The following TAF3 variants were observed in gnomAD, a reference collection of about 807,000 sequenced individuals.
TAF3 encodes the protein transcription initiation factor TFIID subunit 3.
In TAF3, 7 loss-of-function variants were observed where a neutral mutation model predicts 80.6. The observed-to-expected ratio is 0.09, with a 90% CI of 0.05 to 0.16. TAF3 has a LOEUF of 0.16. Among genes scored for constraint, TAF3 ranks in the 10% least tolerant of loss-of-function variants. The pLI is 1.00. For missense variants in TAF3, 921 were observed against 1,140.2 expected, an observed-to-expected ratio of 0.81 and a Z score of 2.77; for synonymous variants, 444 against 446.1, an observed-to-expected ratio of 1.00 and a Z score of 0.06.
intron 2 of TAF3, among the ~76,000 whole-genome samples, chr10:7,895,480 A>T (rs1003741700): frequency 6.6e-6 from 1 of 152,204 alleles, no homozygotes; most frequent in Non-Finnish European, 1.5e-5. Flanking sequence ...AATGCATCAC[A>T]CTTTCTTACT....
intron 4 of TAF3, among the ~76,000 whole-genome samples, chr10:7,982,084 G>A (rs1831731948): frequency 6.6e-6 from 1 of 152,148 alleles, no homozygotes; most frequent in Non-Finnish European, 1.5e-5. Flanking sequence ...ACATTCAACA[G>A]AGTGAAGCTT....
rs182803399 is a variant in TAF3 at position 7,883,691 on chromosome 10, T to C, written c.409+59131T>C. Among the ~76,000 whole-genome samples the C allele has an allele frequency of 1.5e-3, 226 of 152,360 alleles. 1 individual carries two copies. The highest frequency in any genetic ancestry group is 5.2e-3 in the African/African-American group (218 of 41,588). On this transcript the variant is annotated intron_variant, in intron 2 of 6. Transcript: ENST00000344293. ...CTACATTTATCAGTTGGCATTCTAC[T>C]CTATGGAAGATTTTCCCCTCCTTCC...
At chr10:7,897,471 C>T (rs1045374140) in intron 2 of TAF3, among the ~76,000 whole-genome samples, 2 of 152,116 alleles carry the variant, frequency 1.3e-5, no homozygotes, top group Non-Finnish European at 2.9e-5. Flanking sequence ...AGATTCTTCT[C>T]TTTATAGCCA....
In TAF3 at chr10:7,915,244, C is replaced by T. The variant is rs577082131; in HGVS notation, c.410-48676C>T. On this transcript the variant is annotated intron_variant, in intron 2 of 6. Transcript: ENST00000344293. ...CAGGGCATGAGCCACTGCGCCTGGCCGCTCCCCAGCCTTTTATGAAGAACC... is the reference window on the plus strand; with the variant it reads ...CAGGGCATGAGCCACTGCGCCTGGCTGCTCCCCAGCCTTTTATGAAGAACC... 1.3e-4 allele frequency among the ~76,000 whole-genome samples: 19 copies of T among 151,732 alleles called. No homozygotes were observed. In the East Asian group the frequency reaches 2.4e-3, roughly 19 times the overall value.
At chr10:7,920,867 A>G (rs536593152) in intron 2 of TAF3, among the ~76,000 whole-genome samples, 18 of 152,364 alleles carry the variant, frequency 1.2e-4, no homozygotes, top group Admixed American at 3.3e-4. Flanking sequence ...AGTGATTTAT[A>G]CTGTAGCTAA....
intron 2 of TAF3, among the ~76,000 whole-genome samples, chr10:7,954,712 C>G (rs10905259): frequency 0.4 from 51,476 of 128,906 alleles, 15,314 homozygotes; most frequent in Admixed American, 0.57. Flanking sequence ...TAGTGAGATT[C>G]AGAGTGCACT....
chr10:7,874,833 C>T (rs1482311235), intron 2 of TAF3, among the ~76,000 whole-genome samples: 1 of 151,828 alleles, frequency 6.6e-6, no homozygotes, highest in Non-Finnish European at 1.5e-5. Context: ...CTGTATGTAT[C>T]ATGTAACTGT....
At chr10:7,900,137 T>G (rs1837544751) in intron 2 of TAF3, among the ~76,000 whole-genome samples, 2 of 152,206 alleles carry the variant, frequency 1.3e-5, no homozygotes, top group African/African-American at 4.8e-5. Context: ...CTGCTACAAC[T>G]TAGAATAGTT....
chr10:7,905,808 G>A (rs904088259), intron 2 of TAF3, among the ~76,000 whole-genome samples: 5 of 152,004 alleles, frequency 3.3e-5, no homozygotes, highest in African/African-American at 4.8e-5. Context: ...GCTTGAACCC[G>A]GGAGGTGGAG....
At position 8,013,769 on chromosome 10, in the gene TAF3, T is replaced by C. The variant is rs934324379; in HGVS notation, c.2607T>C (p.Pro869=). Residue 869 remains proline, a synonymous_variant, in exon 6 of 7, where the codon CCT becomes CCC. Coordinates refer to ENST00000344293, the MANE Select transcript of TAF3 (RefSeq NM_031923.4). ...GGGGCAATCAGATCTGGATCTGCCC[T>C]GGGTGTAACAAGCCTGACGATGGGA... is the stretch of plus-strand genomic sequence containing the variant. ...DEWGNQIWIC[P]GCNKPDDGSP... is the part of the protein sequence containing the mutation. The C allele has an allele frequency of 6.2e-7, 1 of 1,614,026 alleles. No homozygotes were observed. The highest frequency in any genetic ancestry group is 8.5e-7 in the Non-Finnish European group (1 of 1,180,028).
chr10:7,986,191 G>A (rs1404425671), intron 4 of TAF3, among the ~76,000 whole-genome samples: 2 of 150,684 alleles, frequency 1.3e-5, no homozygotes, highest in Admixed American at 6.6e-5. Flanking sequence ...TTTCTTCTTC[G>A]TAAATGTTCT....
At chr10:7,842,845 G>A (rs1463852769) in intron 2 of TAF3, among the ~76,000 whole-genome samples, 1 of 152,166 alleles carries the variant, frequency 6.6e-6, no homozygotes, top group African/African-American at 2.4e-5. Context: ...GATTTTCCAA[G>A]GGCAGGCCCA....
intron 3 of TAF3, among the ~76,000 whole-genome samples, chr10:7,975,848 T>A (rs1280742902): frequency 6.6e-6 from 1 of 152,256 alleles, no homozygotes; most frequent in Non-Finnish European, 1.5e-5. Context: ...TCAATTATGA[T>A]GTAATTCATG....
chr10:7,892,700 T>G (rs1436013475), intron 2 of TAF3, among the ~76,000 whole-genome samples: 1 of 152,190 alleles, frequency 6.6e-6, no homozygotes, highest in Non-Finnish European at 1.5e-5. Context: ...ACAGTATTTT[T>G]GGTTGGTCAG....
At chr10:7,990,038 G>T (rs201305416) in intron 4 of TAF3, among the ~76,000 whole-genome samples, 1 of 79,610 alleles carries the variant, frequency 1.3e-5, no homozygotes, top group African/African-American at 2.8e-5. Flanking sequence ...AAAATTAACT[G>T]TATCTATTTT....
chr10:7,928,157 C>G (rs1158375853), intron 2 of TAF3, among the ~76,000 whole-genome samples: 1 of 152,156 alleles, frequency 6.6e-6, no homozygotes, highest in Non-Finnish European at 1.5e-5. Flanking sequence ...AGACCTTTGA[C>G]CTTCCGCAAT....
intron 2 of TAF3, among the ~76,000 whole-genome samples, chr10:7,939,207 G>T (rs1837953151): frequency 6.6e-6 from 1 of 152,100 alleles, no homozygotes; most frequent in African/African-American, 2.4e-5. Context: ...TTAGTTTATT[G>T]GCTAAACATT....
At chr10:7,936,805 T>A (rs771607891) in intron 2 of TAF3, among the ~76,000 whole-genome samples, 6 of 152,168 alleles carry the variant, frequency 3.9e-5, no homozygotes, top group Non-Finnish European at 8.8e-5. Flanking sequence ...CTAGTTGTAC[T>A]GCTATCAACA....
chr10:7,857,140 C>CA (rs1343252888), intron 2 of TAF3, among the ~76,000 whole-genome samples: 1 of 152,182 alleles, frequency 6.6e-6, no homozygotes, highest in Non-Finnish European at 1.5e-5. Context: ...AGTGAAACAA[C>CA]ACATACGAAT....
Sources: gnomAD v4.1 joint callset for allele counts (sites outside exome capture counted in the v4.1 genomes callset) on GRCh38, gnomAD v4.1.1 for gene constraint, MANE v1.5 for transcripts, NCBI Gene and HGNC (gene_info 2026-07-23, HGNC 2026-07-21) for gene names.